RNGTT: variants seen among roughly 807,000 people sequenced by gnomAD.
The protein encoded by RNGTT is RNA guanylyltransferase and 5'-phosphatase.
Under a neutral mutation model 79.3 loss-of-function variants are expected in RNGTT, and 33 were observed. That is an observed-to-expected ratio of 0.42 (90% CI 0.32 to 0.56). The LOEUF is 0.56. Ranked by LOEUF, RNGTT falls within the 20% of genes least tolerant of loss-of-function variation. The pLI is 0.17. For missense variants in RNGTT, 497 were observed against 739.1 expected (o/e 0.67, Z 3.80); for synonymous variants, 222 against 235.9 (o/e 0.94, Z 0.54).
intron 2 of RNGTT, among the ~76,000 whole-genome samples, chr6:88,937,095 C>T (rs149197149): frequency 1.8e-3 from 274 of 152,260 alleles, no homozygotes; most frequent in African/African-American, 6.0e-3. Flanking sequence ...GTAATCCCAA[C>T]ACTTTAAGAG....
chr6:88,845,420 G>T (rs990648443), intron 10 of RNGTT, among the ~76,000 whole-genome samples: 1 of 152,146 alleles, frequency 6.6e-6, no homozygotes, highest in East Asian at 1.9e-4. Flanking sequence ...GATAAGTCTC[G>T]TCCTATCCAT....
intron 8 of RNGTT, among the ~76,000 whole-genome samples, chr6:88,872,713 T>G (rs1046681303): frequency 6.6e-6 from 1 of 152,036 alleles, no homozygotes; most frequent in Admixed American, 6.6e-5. Context: ...ATGAAGATAA[T>G]GAAGGGAAGG....
chr6:88,647,351 ATG>A (rs1773605809), intron 14 of RNGTT, among the ~76,000 whole-genome samples: 1 of 152,212 alleles, frequency 6.6e-6, no homozygotes, highest in South Asian at 2.1e-4. Context: ...AAAGCTGTGA[ATG>A]TAATAACAAA....
At chr6:88,929,961 CAT>C (rs1253958506) in intron 2 of RNGTT, among the ~76,000 whole-genome samples, 216 of 147,858 alleles carry the variant, frequency 1.5e-3, no homozygotes, top group African/African-American at 5.2e-3. Flanking sequence ...CACGTATATA[CAT>C]ATGTATACAT....
chr6:88,812,539 G>C (rs767944845), intron 11 of RNGTT, among the ~76,000 whole-genome samples: 2 of 152,222 alleles, frequency 1.3e-5, no homozygotes, highest in African/African-American at 2.4e-5. Flanking sequence ...TTAAGTGTTT[G>C]AGATGTAAAA....
chr6:88,901,959 C>CA (rs1478589875), intron 6 of RNGTT, among the ~76,000 whole-genome samples: 6 of 152,070 alleles, frequency 3.9e-5, no homozygotes, highest in African/African-American at 1.4e-4. Context: ...AATGGAACCA[C>CA]AAAAATACAT....
chr6:88,867,289 C>T (rs1446177474), intron 8 of RNGTT, among the ~76,000 whole-genome samples: 4 of 152,056 alleles, frequency 2.6e-5, no homozygotes, highest in African/African-American at 9.7e-5. Flanking sequence ...TTGAGACCAG[C>T]CCGGCCAACA....
chr6:88,787,147 C>A (rs759065501), intron 12 of RNGTT, among the ~76,000 whole-genome samples: 1 of 152,124 alleles, frequency 6.6e-6, no homozygotes, highest in African/African-American at 2.4e-5. Flanking sequence ...TTGTTTATAT[C>A]ACTGTTTGTG....
In RNGTT at chr6:88,853,755, C is replaced by T; in HGVS notation, c.906G>A (p.Met302Ile). The change falls in exon 9 of 16, where the codon ATG (methionine) becomes ATA (isoleucine). Residue 302 changes from methionine (M) to isoleucine (I), a missense_variant. Around this residue, in one of 3 missense-constraint regions of RNGTT, gnomAD observed 440 missense variants for 671.5 expected, o/e 0.66. Coordinates refer to ENST00000369485, the MANE Select transcript of RNGTT (RefSeq NM_003800.5). The part of the protein sequence containing the change: ...SWKADGTRYM[M>I]LIDGTNEVFM... ...AAACTTCATTTGTGCCATCAATCAA[C>T]ATCATGTACCTGTAAATGAAACATT... 5 of 1,538,808 alleles carry T rather than the reference C, an allele frequency of 3.2e-6. No homozygotes were observed. Among genetic ancestry groups the T allele is most frequent in the Non-Finnish European group, 3.5e-6 (4 of 1,127,952 alleles).
chr6:88,789,988 T>C (rs1199288335), intron 12 of RNGTT, among the ~76,000 whole-genome samples: 1 of 152,232 alleles, frequency 6.6e-6, no homozygotes, highest in East Asian at 1.9e-4. Context: ...ACTAAACATG[T>C]ATTTATGCCC....
At chr6:88,652,756 C>T (rs753083845) in intron 14 of RNGTT, among the ~76,000 whole-genome samples, 32 of 152,056 alleles carry the variant, frequency 2.1e-4, no homozygotes, top group Non-Finnish European at 4.1e-4. Flanking sequence ...CCAAAACAAG[C>T]GCAGGTCTGG....
intron 2 of RNGTT, among the ~76,000 whole-genome samples, chr6:88,935,925 T>G (rs1038744028): frequency 6.6e-6 from 1 of 152,180 alleles, no homozygotes; most frequent in African/African-American, 2.4e-5. Context: ...TCTTTTTTTG[T>G]GTATTTCTTT....
chr6:88,912,130 T>C (rs938100759), intron 4 of RNGTT, among the ~76,000 whole-genome samples: 2 of 151,232 alleles, frequency 1.3e-5, no homozygotes, highest in Non-Finnish European at 2.9e-5. Context: ...GGCCTGGGCA[T>C]GGTGGCTCAT....
chr6:88,797,188 G>A (rs1404784407), intron 12 of RNGTT, among the ~76,000 whole-genome samples: 3 of 151,960 alleles, frequency 2.0e-5, no homozygotes, highest in South Asian at 2.1e-4. Context: ...GATTTATTAC[G>A]AGATAATCAA....
intron 12 of RNGTT, among the ~76,000 whole-genome samples, chr6:88,796,330 T>C (rs189354551): frequency 6.6e-6 from 1 of 152,216 alleles, no homozygotes; most frequent in Non-Finnish European, 1.5e-5. Context: ...CATATAAGGG[T>C]TTCTTCCATA....
intron 11 of RNGTT, among the ~76,000 whole-genome samples, chr6:88,816,076 A>T (rs1248216659): frequency 6.6e-6 from 1 of 152,218 alleles, no homozygotes; most frequent in Non-Finnish European, 1.5e-5. Context: ...ACAAAATAGC[A>T]AAATATGTAT....
At chr6:88,746,562 T>C (rs1055583988) in intron 13 of RNGTT, among the ~76,000 whole-genome samples, 1 of 152,158 alleles carries the variant, frequency 6.6e-6, no homozygotes, top group African/African-American at 2.4e-5. Flanking sequence ...CAGGCATTAG[T>C]TAGATTCTCA....
At chr6:88,691,292 A>G (rs977778091) in intron 13 of RNGTT, among the ~76,000 whole-genome samples, 3 of 152,000 alleles carry the variant, frequency 2.0e-5, no homozygotes, top group African/African-American at 7.3e-5. Context: ...GCCTTCCACC[A>G]TGATTGTAAG....
chr6:88,612,633 T>G lies in RNGTT; in HGVS notation c.*86A>C, dbSNP rs2127844370. ...TGTATCAACATCAAGCCACAGTCGT[T>G]TTTCAATTTCTCTGGCTACAAAAAT... On this transcript the variant is annotated 3_prime_UTR_variant, in exon 16 of 16. Coordinates refer to ENST00000369485, the MANE Select transcript of RNGTT (RefSeq NM_003800.5). 6.3e-4 allele frequency: 742 copies of G among 1,182,088 alleles called. No individual in the cohort carries two copies. Among genetic ancestry groups the G allele is most frequent in the Middle Eastern group, 2.3e-3 (7 of 2,982 alleles). 73.2% of individuals were successfully genotyped at this position (1,182,088 alleles called of 1,614,324 possible).
Sources: gnomAD v4.1 joint callset for allele counts (sites outside exome capture counted in the v4.1 genomes callset) on GRCh38, gnomAD v4.1.1 for gene constraint, gnomAD v4.1.1 regional missense constraint, MANE v1.5 for transcripts, NCBI Gene and HGNC (gene_info 2026-07-23, HGNC 2026-07-21) for gene names.